GSR: variants seen among roughly 807,000 people sequenced by gnomAD.
GSR encodes the protein glutathione-disulfide reductase.
Under a neutral mutation model 56.5 loss-of-function variants are expected in GSR, and 48 were observed. The ratio of observed to expected loss-of-function variants is 0.85; its 90% CI spans 0.67 to 1.08. The LOEUF is 1.08. Ranked by LOEUF, GSR falls within the 50% of genes least tolerant of loss-of-function variation. The pLI is 0.00. For missense variants in GSR, 694 were observed against 703.3 expected (o/e 0.99, Z 0.15); for synonymous variants, 264 against 270.8 (o/e 0.97, Z 0.25).
chr8:30,718,667 T>C (rs1004649754), intron 1 of GSR, among the ~76,000 whole-genome samples: 1 of 152,134 alleles, frequency 6.6e-6, no homozygotes, highest in Non-Finnish European at 1.5e-5. Flanking sequence ...TGCCCAGAGT[T>C]GCACATTGCT....
chr8:30,690,933 T>G (rs1180832183), intron 8 of GSR, among the ~76,000 whole-genome samples: 1 of 151,930 alleles, frequency 6.6e-6, no homozygotes, highest in Non-Finnish European at 1.5e-5. Context: ...CCAGGCATGG[T>G]GGCATGCACC....
At chr8:30,693,113 A>T in intron 7 of GSR, 58 bp from the exon 8 acceptor site, 1 of 1,047,576 alleles carries the variant, frequency 9.5e-7, no homozygotes, top group Non-Finnish European at 1.5e-6. Context: ...GCAAAGACAC[A>T]CCACAAACTT....
intron 1 of GSR, among the ~76,000 whole-genome samples, chr8:30,721,850 G>A (rs2467538): frequency 0.77 from 116,182 of 151,208 alleles, 49,039 homozygotes; most frequent in Non-Finnish European, 0.94. Flanking sequence ...GTGAAACCTC[G>A]TCTCTACAAA....
At chr8:30,684,702 G>T (rs1053922208) in intron 9 of GSR, among the ~76,000 whole-genome samples, 1 of 152,050 alleles carries the variant, frequency 6.6e-6, no homozygotes, top group Admixed American at 6.6e-5. Context: ...TGGAAGCACT[G>T]CTCCTGAGGA....
At chr8:30,698,076 T>C (rs574319394) in intron 6 of GSR, among the ~76,000 whole-genome samples, 9 of 152,246 alleles carry the variant, frequency 5.9e-5, no homozygotes, top group Non-Finnish European at 1.2e-4. Context: ...ATGCACAGTA[T>C]TCCACAAGGT....
intron 12 of GSR, 104 bp from the exon 13 acceptor site, chr8:30,679,773 T>C: frequency 9.8e-7 from 1 of 1,023,386 alleles, no homozygotes; most frequent in South Asian, 1.4e-5. Context: ...TGGCATGATC[T>C]CGGCTCGCTG....
chr8:30,708,068 A>G lies in GSR; in HGVS notation c.492+4T>C. The G allele has an allele frequency of 6.2e-7, 1 of 1,608,352 alleles. No individual in the cohort carries two copies. Among genetic ancestry groups the G allele is most frequent in the Non-Finnish European group, 8.5e-7 (1 of 1,174,752 alleles). On this transcript the variant is annotated splice_donor_region_variant and intron_variant, in intron 4 of 12. Coordinates refer to ENST00000221130, the MANE Select transcript of GSR (RefSeq NM_000637.5). ...TCTCAAAGTTAAAAACCCAGCATAC[A>G]CACCTTGGTGAGATTGTTTTGATAG... is the stretch of plus-strand genomic sequence containing the variant.
At chr8:30,679,993 C>T (rs889280286) in intron 12 of GSR, among the ~76,000 whole-genome samples, 12 of 152,050 alleles carry the variant, frequency 7.9e-5, no homozygotes, top group African/African-American at 2.7e-4. Flanking sequence ...GGGTGAGCCA[C>T]GGTGTCTGAC....
At chr8:30,721,951 G>A (rs1046244914) in intron 1 of GSR, among the ~76,000 whole-genome samples, 1 of 151,818 alleles carries the variant, frequency 6.6e-6, no homozygotes, top group Non-Finnish European at 1.5e-5. Flanking sequence ...GGGAGGCAGA[G>A]GTTACAGTGA....
chr8:30,683,429 A>T (rs902906264), intron 10 of GSR, among the ~76,000 whole-genome samples: 7 of 152,140 alleles, frequency 4.6e-5, no homozygotes, highest in South Asian at 2.1e-4. Flanking sequence ...AATGGTGCTT[A>T]GGAAGCGGGC....
chr8:30,691,288 G>A (rs1803368990), intron 8 of GSR, among the ~76,000 whole-genome samples: 2 of 152,230 alleles, frequency 1.3e-5, no homozygotes, highest in South Asian at 4.1e-4. Flanking sequence ...CTGGGAGGTG[G>A]AGGTTGCAGT....
intron 7 of GSR, among the ~76,000 whole-genome samples, chr8:30,694,550 T>C (rs2128741980): frequency 6.6e-6 from 1 of 152,214 alleles, no homozygotes; most frequent in South Asian, 2.1e-4. Context: ...CACCTGCTAC[T>C]TGGGAGGCTG....
chr8:30,693,794 G>A (rs1803465915), intron 7 of GSR, among the ~76,000 whole-genome samples: 2 of 152,196 alleles, frequency 1.3e-5, no homozygotes, highest in Admixed American at 1.3e-4. Flanking sequence ...CTCCCAAAGT[G>A]CTGGGATTAT....
intron 3 of GSR, among the ~76,000 whole-genome samples, chr8:30,708,854 G>C (rs201866399): frequency 6.6e-6 from 1 of 151,678 alleles, no homozygotes; most frequent in African/African-American, 2.4e-5. Context: ...AGCTACTCAG[G>C]AGGCTGAGGC....
intron 5 of GSR, among the ~76,000 whole-genome samples, chr8:30,702,235 G>A (rs1328443714): frequency 3.3e-5 from 5 of 150,960 alleles, no homozygotes; most frequent in East Asian, 2.0e-4. Context: ...CAGGAAAATC[G>A]CTTGAACCCA....
At chr8:30,691,047 G>A (rs924132827) in intron 8 of GSR, among the ~76,000 whole-genome samples, 4 of 151,882 alleles carry the variant, frequency 2.6e-5, no homozygotes, top group East Asian at 1.9e-4. Context: ...GCAAGACCTT[G>A]TGTCAAGAAA....
chr8:30,719,287 T>A (rs13259611), intron 1 of GSR, among the ~76,000 whole-genome samples: 115,409 of 150,670 alleles, frequency 0.77, 48,636 homozygotes, highest in Non-Finnish European at 0.94. Flanking sequence ...TTTTTTTTTT[T>A]ATGTATTTTT....
At chr8:30,693,408 A>G (rs1376921816) in intron 7 of GSR, among the ~76,000 whole-genome samples, 1 of 152,248 alleles carries the variant, frequency 6.6e-6, no homozygotes, top group Non-Finnish European at 1.5e-5. Flanking sequence ...ATTGAAGGGA[A>G]GATTTACTAG....
Position 30,679,360 on chromosome 8 carries a change from C to A in GSR, c.*160G>T. The A allele has an allele frequency of 1.5e-6, 1 of 687,292 alleles. No homozygotes were observed. The allele number at this position is 687,292 out of a possible 1,614,324, so 42.6% of individuals were successfully genotyped here. ...TGGATAACACTACAAATTTCTAACT[C>A]CATAAATAAGTTCTATTATGTACTA... On this transcript the variant is annotated 3_prime_UTR_variant, in exon 13 of 13. Coordinates refer to ENST00000221130, the MANE Select transcript of GSR (RefSeq NM_000637.5).
Sources: gnomAD v4.1 joint callset for allele counts (sites outside exome capture counted in the v4.1 genomes callset) on GRCh38, gnomAD v4.1.1 for gene constraint, MANE v1.5 for transcripts, NCBI Gene and HGNC (gene_info 2026-07-23, HGNC 2026-07-21) for gene names.